Variants in ACSM3 observed in about 807,000 individuals in gnomAD.
The protein encoded by ACSM3 is acyl-CoA synthetase medium chain family member 3, also known as acyl-coenzyme A synthetase ACSM3, mitochondrial.
Under a neutral mutation model 74.1 loss-of-function variants are expected in ACSM3, and 61 were observed. That is an observed-to-expected ratio of 0.82 (90% CI 0.67 to 1.02). The LOEUF is 1.02. ACSM3 is among the 50% of genes least tolerant of loss of function. The pLI, the probability that ACSM3 is intolerant of heterozygous loss-of-function variation, is 0.00. For missense variants in ACSM3, 660 were observed against 697.0 expected (o/e 0.95, Z 0.60); for synonymous variants, 213 against 241.5 (o/e 0.88, Z 1.09).
chr16:20,679,884 A>G (rs1427088069), intron 1 of ACSM3: 1 of 152,200 alleles, frequency 6.6e-6, no homozygotes, highest in African/African-American at 2.4e-5. Context: ...TATAGCTCGA[A>G]CAAAAGAAGC....
chr16:20,741,905 G>C, intron 1 of ACSM3: 2 of 1,534,412 alleles, frequency 1.3e-6, no homozygotes, highest in Non-Finnish European at 1.7e-6. Context: ...GTCTGCAATC[G>C]TGAAAGGGGT....
intron 1 of ACSM3, among the ~76,000 whole-genome samples, chr16:20,689,273 A>G (rs1302374955): frequency 2.0e-5 from 3 of 152,100 alleles, no homozygotes; most frequent in Non-Finnish European, 4.4e-5. Flanking sequence ...TTTAATTCCC[A>G]TGGTAACCAC....
At position 20,797,171 on chromosome 16, in the gene ACSM3, G is replaced by T; in HGVS notation, c.*199G>T. 5 of 1,309,650 alleles carry T rather than the reference G, an allele frequency of 3.8e-6. No homozygotes were observed. The highest frequency in any genetic ancestry group is 2.0e-5 in the South Asian group (1 of 49,322). The allele number at this position is 1,309,650 out of a possible 1,614,324, so 81.1% of individuals were successfully genotyped here. A position where few individuals can be genotyped will look rare whatever the true frequency, so the allele number is the denominator to read the frequency against. On this transcript the variant is annotated 3_prime_UTR_variant, in exon 14 of 14. Coordinates refer to ENST00000289416, the MANE Select transcript of ACSM3 (RefSeq NM_005622.4). The stretch of plus-strand genomic sequence containing the variant: ...CAAATTCCTCCACATTAGTGTCAAT[G>T]TTCCTATCATTTCTTAATATAAAAA...
intron 1 of ACSM3, chr16:20,738,258 G>A (rs948199541): frequency 1.5e-5 from 7 of 479,944 alleles, no homozygotes; most frequent in African/African-American, 1.2e-4. Flanking sequence ...GTAACACCAT[G>A]CTGTTGTTTT....
chr16:20,775,041 CCT>C (rs1209105620), intron 2 of ACSM3, among the ~76,000 whole-genome samples: 2 of 152,064 alleles, frequency 1.3e-5, no homozygotes, highest in African/African-American at 4.8e-5. Flanking sequence ...TGCTGGACTC[CCT>C]GTTACCTGGG....
At chr16:20,719,635 G>T (rs7189527) in intron 1 of ACSM3, among the ~76,000 whole-genome samples, 52,689 of 152,108 alleles carry the variant, frequency 0.35, 10,816 homozygotes, top group Non-Finnish European at 0.47. Context: ...GGATTTGCTA[G>T]TGTCACTGAA....
chr16:20,710,989 A>C (rs970439654), intron 1 of ACSM3, among the ~76,000 whole-genome samples: 4 of 151,938 alleles, frequency 2.6e-5, no homozygotes, highest in African/African-American at 9.7e-5. Context: ...GGGAGGCTAA[A>C]GCAGGAGAAT....
chr16:20,790,838 T>C lies in ACSM3; in HGVS notation c.1326+150T>C, dbSNP rs757820099. On this transcript the variant is annotated intron_variant, in intron 10 of 13. Coordinates refer to ENST00000289416, the MANE Select transcript of ACSM3 (RefSeq NM_005622.4). This position sits in a 1 kb window ranked among gnomAD's most constrained non-coding sequence, Gnocchi z 4.0. ...GAATAGTAATCCAAAAGACAAGAAA[T>C]TGAAGAAATACCCAAATTCTTGCTG... 11 of 1,613,956 alleles carry C rather than the reference T, an allele frequency of 6.8e-6. No individual in the cohort carries two copies. In the Admixed American group the frequency reaches 1.7e-4, roughly 24 times the overall value.
intron 1 of ACSM3, chr16:20,697,556 TACACACACACACACACACACACAC>T (rs57633278): frequency 2.1e-5 from 3 of 139,550 alleles, no homozygotes; most frequent in South Asian, 5.1e-4. Flanking sequence ...AAAATTGGAT[TACACACACACACACACACACACAC>T]ACACACACAC....
At chr16:20,718,661 A>G (rs1487291382) in intron 1 of ACSM3, among the ~76,000 whole-genome samples, 1 of 152,210 alleles carries the variant, frequency 6.6e-6, no homozygotes, top group Non-Finnish European at 1.5e-5. Context: ...AAATGACACA[A>G]TCTAACCAGC....
intron 2 of ACSM3, among the ~76,000 whole-genome samples, chr16:20,771,887 C>T (rs1238018594): frequency 1.3e-5 from 2 of 152,198 alleles, no homozygotes; most frequent in African/African-American, 4.8e-5. Flanking sequence ...TCCACATCCT[C>T]TCAAGCATTT....
chr16:20,682,007 A>G, intron 1 of ACSM3: 1 of 406,010 alleles, frequency 2.5e-6, no homozygotes, highest in Non-Finnish European at 4.6e-6. Context: ...GTCTCAACTG[A>G]ATAACTGTCT....
At chr16:20,723,899 T>C (rs1193637884) in intron 1 of ACSM3, among the ~76,000 whole-genome samples, 7 of 152,254 alleles carry the variant, frequency 4.6e-5, no homozygotes. Flanking sequence ...ATCCCATTTG[T>C]CAATGTTGGC....
intron 1 of ACSM3, among the ~76,000 whole-genome samples, chr16:20,767,613 G>A (rs1284073306): frequency 1.3e-5 from 2 of 151,834 alleles, no homozygotes; most frequent in Non-Finnish European, 2.9e-5. Context: ...TAGACTTAAG[G>A]TCTTAACCTG....
In ACSM3 at chr16:20,786,114, A is replaced by G. The variant is rs757329851; in HGVS notation, c.1180A>G (p.Lys394Glu). 2.5e-6 allele frequency: 4 copies of G among 1,603,522 alleles called. No homozygotes were observed. In the South Asian group the frequency reaches 4.5e-5, roughly 18 times the overall value. ...TGGAAATTTTAAGGGAATGAAAATTAAACCTGGCTCAATGGGAAAACCTTC... is the reference window on the plus strand; with the variant it reads ...TGGAAATTTTAAGGGAATGAAAATTGAACCTGGCTCAATGGGAAAACCTTC... ...ICGNFKGMKI[K>E]PGSMGKPSPA... The change falls in exon 9 of 14, where the codon AAA (lysine) becomes GAA (glutamate). Residue 394 changes from lysine to glutamate, a missense_variant. By Grantham distance (56) the Lys-to-Glu change is moderately conservative (BLOSUM62 1). Coordinates refer to ENST00000289416, the MANE Select transcript of ACSM3 (RefSeq NM_005622.4).
At position 20,770,023 on chromosome 16, in the gene ACSM3, CCAA is replaced by C; in HGVS notation, c.-8_-6del. On this transcript the variant is annotated 5_prime_UTR_variant, in exon 2 of 14. Coordinates refer to ENST00000289416, the MANE Select transcript of ACSM3 (RefSeq NM_005622.4). Reference sequence around the variant, plus strand: ...GTGCAAATCCTGAGTGCTAAAGCTTCCAACAAGACTGATGCTAGCTCGTGTCAC... The same window carrying C: ...GTGCAAATCCTGAGTGCTAAAGCTTCCAAGACTGATGCTAGCTCGTGTCAC... 1 of 1,613,682 alleles carries C rather than the reference CCAA, an allele frequency of 6.2e-7. No individual in the cohort carries two copies. The highest frequency in any genetic ancestry group is 2.2e-5 in the East Asian group (1 of 44,880).
At chr16:20,685,238 G>A (rs151107402) in intron 1 of ACSM3, 138 of 1,614,042 alleles carry the variant, frequency 8.5e-5, no homozygotes, top group Admixed American at 1.5e-4. Flanking sequence ...TCAGGAACTC[G>A]AGGCAGCATC....
intron 1 of ACSM3, chr16:20,682,108 A>T (rs763449983): frequency 1.2e-5 from 9 of 721,488 alleles, no homozygotes; most frequent in Non-Finnish European, 2.0e-5. Context: ...CTCTTTGTTC[A>T]GGGCTCAGTC....
chr16:20,791,909 C>A, intron 10 of ACSM3, 93 bp from the exon 11 acceptor site: 1 of 1,462,304 alleles, frequency 6.8e-7, no homozygotes. Context: ...GCCTGGGTAA[C>A]AGAGTGAGAC....
Sources: gnomAD v4.1 joint callset for allele counts (sites outside exome capture counted in the v4.1 genomes callset) on GRCh38, gnomAD v4.1.1 for gene constraint, Gnocchi (gnomAD v3.1) non-coding constraint, MANE v1.5 for transcripts, NCBI Gene and HGNC (gene_info 2026-07-23, HGNC 2026-07-21) for gene names.